C19orf67: variants seen among roughly 807,000 people sequenced by gnomAD.
C19orf67 encodes the protein chromosome 19 open reading frame 67.
A neutral mutation model predicts 41.4 loss-of-function variants in C19orf67; 28 were observed. That is an observed-to-expected ratio of 0.68 (90% CI 0.50 to 0.93). The LOEUF (loss-of-function observed/expected upper bound fraction) is 0.93, where lower values mean the gene tolerates loss of function less well. Among genes scored for constraint, C19orf67 ranks in the 40% least tolerant of loss-of-function variants. The pLI, the probability that C19orf67 is intolerant of heterozygous loss-of-function variation, is 0.00. For missense variants in C19orf67, 421 were observed against 467.0 expected, an observed-to-expected ratio of 0.90 and a Z score of 0.91; for synonymous variants, 242 against 203.4, an observed-to-expected ratio of 1.19 and a Z score of -1.62.
Position 14,081,857 on chromosome 19 carries a change from C to T in C19orf67, c.1054G>A (p.Gly352Arg), listed in dbSNP as rs1976772284. The change falls in exon 6 of 6, where the codon GGG (glycine) becomes AGG (arginine). Residue 352 changes from glycine to arginine, a missense_variant. Transcript: ENST00000548523. ...GTTCAAGACCCCTGCGCTGCCCACC[C>T]CGCAGGCCCGGCTGCGCTCGGAGGC... ...ARPPSAAGPA[G>R]WAAQGS 6.5e-7 allele frequency: 1 copy of T among 1,533,050 alleles called. No individual in the cohort carries two copies. Among genetic ancestry groups the T allele is most frequent in the African/African-American group, 1.4e-5 (1 of 72,806 alleles). The allele number at this position is 1,533,050 out of a possible 1,614,324, so 95.0% of individuals were successfully genotyped here.
chr19:14,082,539 G>A lies in C19orf67; in HGVS notation c.832C>T (p.Gln278Ter). ...CCGATGGACCACAGCTTCTGGATCTGTGGGCACGAATTGGCTGGACTCTGG... is the reference window on the plus strand; with the variant it reads ...CCGATGGACCACAGCTTCTGGATCTATGGGCACGAATTGGCTGGACTCTGG... ...TGQSPANSCP[Q>*]IQKLWSIGRW... Residue 278 changes from glutamine to a stop codon, truncating the protein, a stop_gained, in exon 5 of 6, where the codon CAG (glutamine) becomes TAG (stop). Transcript: ENST00000548523. LOFTEE classifies it high-confidence loss of function. The A allele has an allele frequency of 6.5e-7, 1 of 1,536,382 alleles. No individual in the cohort carries two copies. The highest frequency in any genetic ancestry group is 1.4e-5 in the African/African-American group (1 of 73,158).
chr19:14,082,071 C>A, intron 5 of C19orf67, 63 bp from the exon 6 acceptor site: 2 of 1,350,686 alleles, frequency 1.5e-6, no homozygotes, highest in Non-Finnish European at 1.9e-6. Context: ...CCTCGGGAGT[C>A]CCTCCCTTTG....
At chr19:14,083,917 A>C in intron 1 of C19orf67, 40 bp from the exon 2 acceptor site, 1 of 1,281,542 alleles carries the variant, frequency 7.8e-7, no homozygotes, top group Non-Finnish European at 9.9e-7. Context: ...ATCCCTCACA[A>C]CCCCTCCCCA....
intron 1 of C19orf67, among the ~76,000 whole-genome samples, chr19:14,084,274 CA>C (rs1304505118): frequency 1.3e-5 from 2 of 151,986 alleles, no homozygotes; most frequent in Admixed American, 1.3e-4. Flanking sequence ...CCTGTAGTCC[CA>C]GTTACCCAGG....
chr19:14,081,920 G>A lies in C19orf67; in HGVS notation c.991C>T (p.Leu331=). 6.5e-7 allele frequency: 1 copy of A among 1,534,196 alleles called. No individual in the cohort carries two copies. The highest frequency in any genetic ancestry group is 8.7e-7 in the Non-Finnish European group (1 of 1,145,684). Residue 331 remains leucine, a synonymous_variant, in exon 6 of 6, where the codon CTG becomes TTG. Coordinates refer to ENST00000548523, the MANE Select transcript of C19orf67 (RefSeq NM_001277378.2). The part of the protein sequence containing the change: ...EPTPTLATDL[L]VQILTGQAGQ... Reference sequence around the variant, plus strand: ...GCCTGGCCCGTGAGGATCTGCACCAGCAGGTCGGTGGCCAGCGTGGGCGTG... The same window carrying A: ...GCCTGGCCCGTGAGGATCTGCACCAACAGGTCGGTGGCCAGCGTGGGCGTG...
chr19:14,082,815 G>A (rs905929469), intron 4 of C19orf67, among the ~76,000 whole-genome samples: 3 of 151,694 alleles, frequency 2.0e-5, no homozygotes, highest in African/African-American at 7.3e-5. Context: ...GAAAATAGAG[G>A]TAGCCTTTCA....
At chr19:14,082,347 G>T in intron 5 of C19orf67, 122 bp downstream of exon 5, 2 of 1,149,304 alleles carry the variant, frequency 1.7e-6, no homozygotes, top group Non-Finnish European at 2.4e-6. Flanking sequence ...GCTTTTCAGG[G>T]CACAATAAAA....
chr19:14,084,426 G>A (rs547665567), intron 1 of C19orf67, among the ~76,000 whole-genome samples: 3 of 150,150 alleles, frequency 2.0e-5, no homozygotes, highest in South Asian at 2.1e-4. Context: ...AGAATCCCTC[G>A]AACCTGGGAG....
chr19:14,085,379 G>T lies in C19orf67; in HGVS notation c.249C>A (p.Ser83=). Reference sequence around the variant, plus strand: ...TGATGGGGCTGAACAAAGTGTCCAGGGATAGGCGGGGAGGTGCTGGCCCAG... The same window carrying T: ...TGATGGGGCTGAACAAAGTGTCCAGTGATAGGCGGGGAGGTGCTGGCCCAG... ...PRPGPAPPRL[S]LDTLFSPITQ... Residue 83 remains serine, a synonymous_variant, in exon 1 of 6, where the codon TCC becomes TCA. Transcript: ENST00000548523. 6.5e-7 allele frequency: 1 copy of T among 1,536,182 alleles called. No homozygotes were observed. Among genetic ancestry groups the T allele is most frequent in the Non-Finnish European group, 8.7e-7 (1 of 1,146,914 alleles).
chr19:14,085,186 G>A, intron 1 of C19orf67, 107 bp downstream of exon 1: 1 of 796,290 alleles, frequency 1.3e-6, no homozygotes, highest in Non-Finnish European at 2.1e-6. Context: ...GTCTCCCTCT[G>A]GCTCCTAGCG....
intron 4 of C19orf67, 131 bp from the exon 5 acceptor site, chr19:14,082,734 C>T: frequency 1.3e-6 from 1 of 747,816 alleles, no homozygotes; most frequent in East Asian, 3.1e-5. Context: ...AATGTGACTC[C>T]AAGGCCTTTT....
intron 1 of C19orf67, among the ~76,000 whole-genome samples, chr19:14,084,518 TAAC>T (rs998918443): frequency 5.9e-5 from 8 of 135,872 alleles, no homozygotes; most frequent in South Asian, 4.8e-4. Flanking sequence ...AAAAAACACA[TAAC>T]AACAAAACAA....
At chr19:14,085,240 C>T (rs1248482901) in intron 1 of C19orf67, 53 bp downstream of exon 1, 58 of 1,466,614 alleles carry the variant, frequency 4.0e-5, no homozygotes, top group Non-Finnish European at 5.3e-5. Context: ...ATCCTGTCGC[C>T]TCCCCTCCAA....
Position 14,083,568 on chromosome 19 carries a change from T to C in C19orf67, c.518A>G (p.Glu173Gly). Residue 173 changes from glutamate to glycine, a missense_variant, in exon 3 of 6, where the codon GAA becomes GGA. By Grantham distance (98) the Glu-to-Gly change is moderately conservative (BLOSUM62 -2). Transcript: ENST00000548523. Reference sequence around the variant, plus strand: ...GGAAGCGTACATGAGGACCAGCTGTTCCAGGCGCAGGGTCAGCTGTTGGGA... The same window carrying C: ...GGAAGCGTACATGAGGACCAGCTGTCCCAGGCGCAGGGTCAGCTGTTGGGA... ...EISQQLTLRL[E>G]QLVLMYASFG... is the part of the protein sequence containing the mutation. 6.5e-7 allele frequency: 1 copy of C among 1,536,050 alleles called. No homozygotes were observed. The highest frequency in any genetic ancestry group is 8.7e-7 in the Non-Finnish European group (1 of 1,146,884).
In C19orf67 at chr19:14,085,378, G is replaced by A. The variant is rs1185977828; in HGVS notation, c.250C>T (p.Leu84=). The change falls in exon 1 of 6, where the codon CTG becomes TTG. Residue 84 remains leucine (L), a synonymous_variant. Coordinates refer to ENST00000548523, the MANE Select transcript of C19orf67 (RefSeq NM_001277378.2). Reference sequence around the variant, plus strand: ...GTGATGGGGCTGAACAAAGTGTCCAGGGATAGGCGGGGAGGTGCTGGCCCA... The same window carrying A: ...GTGATGGGGCTGAACAAAGTGTCCAAGGATAGGCGGGGAGGTGCTGGCCCA... ...RPGPAPPRLS[L]DTLFSPITQQ... 6.5e-7 allele frequency: 1 copy of A among 1,536,212 alleles called. No individual in the cohort carries two copies. Among genetic ancestry groups the A allele is most frequent in the South Asian group, 1.2e-5 (1 of 84,068 alleles).
chr19:14,082,047 G>C (rs1976775534), intron 5 of C19orf67, 39 bp from the exon 6 acceptor site: 1 of 1,432,616 alleles, frequency 7.0e-7, no homozygotes, highest in Admixed American at 2.6e-5. Context: ...GCCTGGACTT[G>C]AGTGCCCCCT....
intron 1 of C19orf67, among the ~76,000 whole-genome samples, chr19:14,084,327 G>A (rs1223435460): frequency 6.6e-6 from 1 of 151,816 alleles, no homozygotes; most frequent in African/African-American, 2.4e-5. Flanking sequence ...GAGTTCGAGG[G>A]TGCAGTGAGC....
chr19:14,083,675 C>T, intron 2 of C19orf67, 58 bp downstream of exon 2: 1 of 1,521,062 alleles, frequency 6.6e-7, no homozygotes, highest in Non-Finnish European at 8.8e-7. Flanking sequence ...TCCACCATCC[C>T]CACAGGCTCA....
intron 4 of C19orf67, 57 bp downstream of exon 4, chr19:14,083,180 T>A: frequency 1.4e-6 from 2 of 1,433,890 alleles, no homozygotes; most frequent in Non-Finnish European, 1.9e-6. Flanking sequence ...GTTTGGAGGG[T>A]CATATTGGCA....
Sources: gnomAD v4.1 joint callset for allele counts (sites outside exome capture counted in the v4.1 genomes callset) on GRCh38, gnomAD v4.1.1 for gene constraint, MANE v1.5 for transcripts, NCBI Gene and HGNC (gene_info 2026-07-23, HGNC 2026-07-21) for gene names.